The following CCDC14 variants were observed in gnomAD, a reference collection of about 807,000 sequenced individuals.
CCDC14 encodes the protein coiled-coil domain containing 14.
In CCDC14, 71 loss-of-function variants were observed where a neutral mutation model predicts 81.4. That is an observed-to-expected ratio of 0.87 (90% CI 0.72 to 1.06). The LOEUF (loss-of-function observed/expected upper bound fraction) is 1.06. Among genes scored for constraint, CCDC14 ranks in the 50% least tolerant of loss-of-function variants. The probability of loss-of-function intolerance (pLI) is 0.00; values close to 1 mark genes in which losing one functional copy is unlikely to be tolerated. For missense variants in CCDC14, 1,046 were observed against 1,047.3 expected, an observed-to-expected ratio of 1.00 and a Z score of 0.02; for synonymous variants, 332 against 364.8, an observed-to-expected ratio of 0.91 and a Z score of 1.03.
intron 9 of CCDC14, 128 bp downstream of exon 9, chr3:123,944,721 A>G (rs950482037): frequency 6.8e-6 from 4 of 587,616 alleles, no homozygotes; most frequent in Middle Eastern, 2.8e-4. Flanking sequence ...ATGAGGAAGA[A>G]AAGTAGAAAT....
chr3:123,887,890 A>G, the CCDC14 span, among the ~76,000 whole-genome samples: 2 of 151,654 alleles, frequency 1.3e-5, no homozygotes, highest in South Asian at 2.1e-4. Context: ...TATCTTCAAC[A>G]TTTGTCACTT....
At chr3:123,938,496 T>C (rs919557920) in intron 9 of CCDC14, among the ~76,000 whole-genome samples, 10 of 152,100 alleles carry the variant, frequency 6.6e-5, no homozygotes, top group Admixed American at 2.6e-4. Context: ...AGCAGCATTT[T>C]TGTAGATTCC....
At chr3:123,904,622 GAA>G (rs35632545) in intron 5 of CCDC14, among the ~76,000 whole-genome samples, 3,467 of 144,518 alleles carry the variant, frequency 0.024, 123 homozygotes, top group African/African-American at 0.082. Context: ...TGGAAAAAAA[GAA>G]AAAAAAAAAA....
chr3:123,933,065 C>T lies in CCDC14; in HGVS notation c.1426+608G>A, dbSNP rs956788599. On this transcript the variant is annotated intron_variant, in intron 10 of 12. Coordinates refer to ENST00000409697, the MANE Select transcript of CCDC14 (RefSeq NM_001366335.1). ...AGTGAGACACGATCGCACCACTGCA[C>T]TCCAGCCTGGGCCACAGAGTGACGC... is the stretch of plus-strand genomic sequence containing the variant. 6.2e-4 allele frequency among the ~76,000 whole-genome samples: 94 copies of T among 151,982 alleles called. 1 individual carries two copies. Among genetic ancestry groups the T allele is most frequent in the Admixed American group, 6.1e-3 (93 of 15,254 alleles).
chr3:123,952,535 T>C (rs1174077764), intron 5 of CCDC14: 1 of 503,182 alleles, frequency 2.0e-6, no homozygotes, highest in Non-Finnish European at 4.2e-6. Flanking sequence ...ATAAGCTCAA[T>C]ACAATTCTGG....
rs1377879781 is a variant in CCDC14 at position 123,915,165 on chromosome 3, A to G, written c.2332T>C (p.Cys778Arg). 2.5e-6 allele frequency: 4 copies of G among 1,613,920 alleles called. No homozygotes were observed. Among genetic ancestry groups the G allele is most frequent in the Non-Finnish European group, 3.4e-6 (4 of 1,179,848 alleles). The change falls in exon 13 of 13, where the codon TGT becomes CGT. Residue 778 changes from cysteine (C) to arginine (R), a missense_variant. Cys to Arg is a radical substitution (Grantham distance 180, BLOSUM62 -3). Transcript: ENST00000409697. ...LAVSGKENKL[C>R]TPVICSSSTK... is the part of the protein sequence containing the mutation. ...GAAGAGGAACAGATTACAGGTGTACACAGTTTATTTTCTTTTCCAGAGACA... is the reference window on the plus strand; with the variant it reads ...GAAGAGGAACAGATTACAGGTGTACGCAGTTTATTTTCTTTTCCAGAGACA...
intron 5 of CCDC14, among the ~76,000 whole-genome samples, chr3:123,905,615 C>CT (rs2034290944): frequency 6.6e-6 from 1 of 152,198 alleles, no homozygotes; most frequent in African/African-American, 2.4e-5. Flanking sequence ...GGTCAACACT[C>CT]TAAGGAGTAT....
chr3:123,933,699 G>C lies in CCDC14; in HGVS notation c.1400C>G (p.Ser467Cys). 6.4e-7 allele frequency: 1 copy of C among 1,574,798 alleles called. No individual in the cohort carries two copies. Among genetic ancestry groups the C allele is most frequent in the South Asian group, 1.2e-5 (1 of 85,916 alleles). Residue 467 changes from serine (S) to cysteine (C), a missense_variant, in exon 10 of 13, where the codon TCT becomes TGT. Coordinates refer to ENST00000409697, the MANE Select transcript of CCDC14 (RefSeq NM_001366335.1). Reference sequence around the variant, plus strand: ...TTCAAGGTTGCAATCCACAGCACCAGATGGTTTTTGAGTTTTCTGTTGTTC... The same window carrying C: ...TTCAAGGTTGCAATCCACAGCACCACATGGTTTTTGAGTTTTCTGTTGTTC... The part of the protein sequence containing the change: ...LREQQKTQKP[S>C]GAVDCNLELF...
At chr3:123,939,148 T>C (rs907927502) in intron 9 of CCDC14, among the ~76,000 whole-genome samples, 1 of 151,816 alleles carries the variant, frequency 6.6e-6, no homozygotes, top group Non-Finnish European at 1.5e-5. Context: ...ACTGTTGCCT[T>C]TGCACTAAAA....
At chr3:123,893,837 T>C (rs1414940529), downstream of CCDC14, among the ~76,000 whole-genome samples, 1 of 152,162 alleles carries the variant, frequency 6.6e-6, no homozygotes. Context: ...GGAGCATTGT[T>C]TTTGAGTATC....
intron 12 of CCDC14, among the ~76,000 whole-genome samples, chr3:123,920,833 T>C (rs1207125438): frequency 2.0e-5 from 3 of 152,164 alleles, no homozygotes; most frequent in Non-Finnish European, 1.5e-5. Context: ...TTTATCCTAA[T>C]ATGAGGGTTA....
chr3:123,890,486 T>C, the CCDC14 span, among the ~76,000 whole-genome samples: 1 of 152,196 alleles, frequency 6.6e-6, no homozygotes, highest in Non-Finnish European at 1.5e-5. Context: ...TGGGTAAATA[T>C]GGCCATTCTA....
intron 12 of CCDC14, among the ~76,000 whole-genome samples, chr3:123,921,315 G>T (rs1325742687): frequency 6.6e-6 from 1 of 152,136 alleles, no homozygotes; most frequent in East Asian, 1.9e-4. Context: ...CACACACATA[G>T]ACGGAAAGTG....
downstream of CCDC14, among the ~76,000 whole-genome samples, chr3:123,912,272 TGA>T (rs1223338678): frequency 2.0e-5 from 3 of 152,282 alleles, no homozygotes; most frequent in East Asian, 3.9e-4. Flanking sequence ...CTGAAAGGGC[TGA>T]GAGGGCTGGG....
At chr3:123,903,156 C>T (rs2034211885) in intron 5 of CCDC14, among the ~76,000 whole-genome samples, 1 of 152,112 alleles carries the variant, frequency 6.6e-6, no homozygotes, top group Non-Finnish European at 1.5e-5. Flanking sequence ...TGCTTTAAAA[C>T]AAAATGAAAC....
chr3:123,889,482 G>C, the CCDC14 span, among the ~76,000 whole-genome samples: 41 of 152,334 alleles, frequency 2.7e-4, no homozygotes, highest in African/African-American at 9.6e-4. Flanking sequence ...AAACTCAGCA[G>C]GGAAGTCATT....
At chr3:123,896,754 G>T (rs2148753971), downstream of CCDC14, among the ~76,000 whole-genome samples, 1 of 152,248 alleles carries the variant, frequency 6.6e-6, no homozygotes, top group South Asian at 2.1e-4. Context: ...TTGTAGATTT[G>T]TTCCCATAAG....
the CCDC14 span, among the ~76,000 whole-genome samples, chr3:123,890,039 A>G: frequency 2.6e-5 from 4 of 152,226 alleles, no homozygotes; most frequent in Non-Finnish European, 5.9e-5. Flanking sequence ...AGCAAGTCAC[A>G]TCTTACATGA....
rs1214569618 is a variant in CCDC14 at position 123,933,784 on chromosome 3, C to T, written c.1344-29G>A. The T allele has an allele frequency of 2.1e-6, 3 of 1,429,836 alleles. No individual in the cohort carries two copies. In the South Asian group the frequency reaches 3.7e-5, roughly 18 times the overall value. The allele number at this position is 1,429,836 out of a possible 1,614,324, so 88.6% of individuals were successfully genotyped here. On this transcript the variant is annotated intron_variant, in intron 9 of 12. Coordinates refer to ENST00000409697, the MANE Select transcript of CCDC14 (RefSeq NM_001366335.1). ...AAGAAATAATGAAGAACTATGAATG[C>T]AAGCATACCAAGCCAATTTAATAGT... is the stretch of plus-strand genomic sequence containing the variant.
Sources: gnomAD v4.1 joint callset for allele counts (sites outside exome capture counted in the v4.1 genomes callset) on GRCh38, gnomAD v4.1.1 for gene constraint, MANE v1.5 for transcripts, NCBI Gene and HGNC (gene_info 2026-07-23, HGNC 2026-07-21) for gene names.